Variants in XKR4 observed in about 807,000 individuals in gnomAD.
The protein encoded by XKR4 is XK related 4.
A neutral mutation model predicts 53.9 loss-of-function variants in XKR4; 12 were observed. The observed-to-expected ratio is 0.22, with a 90% CI of 0.14 to 0.36. The LOEUF (loss-of-function observed/expected upper bound fraction) is 0.36. Among genes scored for constraint, XKR4 ranks in the 10% least tolerant of loss-of-function variants. The probability of loss-of-function intolerance (pLI) is 1.00; values close to 1 mark genes in which losing one functional copy is unlikely to be tolerated. For synonymous variants in XKR4, 354 were observed against 362.4 expected, an observed-to-expected ratio of 0.98 and a Z score of 0.26; for missense variants, 799 against 859.5, an observed-to-expected ratio of 0.93 and a Z score of 0.88.
intron 1 of XKR4, among the ~76,000 whole-genome samples, chr8:55,333,205 T>TAA (rs149512658): frequency 0.02 from 3,010 of 152,260 alleles, 90 homozygotes; most frequent in African/African-American, 0.068. Context: ...AAGTCTTGTT[T>TAA]AGTAAGTCTG....
chr8:55,261,524 A>G (rs891919203), intron 1 of XKR4, among the ~76,000 whole-genome samples: 1 of 152,202 alleles, frequency 6.6e-6, no homozygotes, highest in Non-Finnish European at 1.5e-5. Flanking sequence ...TTTGCGCCCA[A>G]GCCAACCCAT....
chr8:55,467,279 T>G (rs1330824066), intron 2 of XKR4, among the ~76,000 whole-genome samples: 2 of 152,154 alleles, frequency 1.3e-5, no homozygotes, highest in African/African-American at 4.8e-5. Flanking sequence ...AGACTCTTTT[T>G]TAAAGAGCTC....
intron 2 of XKR4, among the ~76,000 whole-genome samples, chr8:55,374,179 G>A (rs56011405): frequency 0.011 from 1,623 of 152,300 alleles, 17 homozygotes; most frequent in Non-Finnish European, 0.015. Context: ...ATTATTTAGT[G>A]TATATTACAA....
At chr8:55,161,934 G>T (rs1816991870) in intron 1 of XKR4, among the ~76,000 whole-genome samples, 1 of 152,104 alleles carries the variant, frequency 6.6e-6, no homozygotes, top group Non-Finnish European at 1.5e-5. Flanking sequence ...ATCTCTGTTT[G>T]CTACCACCAC....
chr8:55,346,044 CGTT>C (rs1261616044), intron 1 of XKR4, among the ~76,000 whole-genome samples: 1 of 150,352 alleles, frequency 6.7e-6, no homozygotes, highest in Non-Finnish European at 1.5e-5. Context: ...AATGGAGAAT[CGTT>C]GTTTAGTGAG....
At chr8:55,173,132 G>GC (rs918931128) in intron 1 of XKR4, among the ~76,000 whole-genome samples, 50 of 152,076 alleles carry the variant, frequency 3.3e-4, no homozygotes, top group African/African-American at 1.2e-3. Flanking sequence ...GAGCTGTCCT[G>GC]CCCCCGATCT....
chr8:55,290,075 T>C (rs1235287851), intron 1 of XKR4, among the ~76,000 whole-genome samples: 1 of 152,122 alleles, frequency 6.6e-6, no homozygotes, highest in African/African-American at 2.4e-5. Context: ...TTAATTCATT[T>C]TCCTAGTGAC....
chr8:55,147,739 A>G (rs1205886692), intron 1 of XKR4, among the ~76,000 whole-genome samples: 1 of 152,238 alleles, frequency 6.6e-6, no homozygotes, highest in Non-Finnish European at 1.5e-5. Flanking sequence ...CCAATGATGC[A>G]CGAGAAGTAA....
intron 1 of XKR4, among the ~76,000 whole-genome samples, chr8:55,111,175 G>A (rs1397963649): frequency 6.6e-6 from 1 of 152,164 alleles, no homozygotes; most frequent in African/African-American, 2.4e-5. Flanking sequence ...ACTGCTCTGG[G>A]TCATGTGCCA....
At chr8:55,485,729 C>A (rs1320700213) in intron 2 of XKR4, among the ~76,000 whole-genome samples, 1 of 152,072 alleles carries the variant, frequency 6.6e-6, no homozygotes, top group Non-Finnish European at 1.5e-5. Context: ...GGTTATAGAG[C>A]TGGCTACTGT....
In XKR4 at chr8:55,331,867, T is replaced by G. The variant is rs558849229; in HGVS notation, c.807-25811T>G. ...ATGTGTCTTACAGACAGCATGTAAT[T>G]GGGTGCTGGTTTCTAAATCCATTCT... On this transcript the variant is annotated intron_variant, in intron 1 of 2. Coordinates refer to ENST00000327381, the MANE Select transcript of XKR4 (RefSeq NM_052898.2). Among the ~76,000 whole-genome samples the G allele has an allele frequency of 6.2e-4, 94 of 152,240 alleles. 1 individual carries two copies. Among genetic ancestry groups the G allele is most frequent in the Middle Eastern group, 3.4e-3 (1 of 294 alleles).
chr8:55,296,375 G>A (rs1378177008), intron 1 of XKR4, among the ~76,000 whole-genome samples: 2 of 152,092 alleles, frequency 1.3e-5, no homozygotes, highest in Non-Finnish European at 2.9e-5. Context: ...CTAAAATGTG[G>A]CATCCCACTA....
intron 2 of XKR4, among the ~76,000 whole-genome samples, chr8:55,385,493 CTTTA>C (rs1390339688): frequency 2.0e-5 from 3 of 152,208 alleles, no homozygotes; most frequent in South Asian, 2.1e-4. Flanking sequence ...AAGCATCATG[CTTTA>C]TTTATCTTCA....
chr8:55,379,706 C>G (rs1224927927), intron 2 of XKR4, among the ~76,000 whole-genome samples: 2 of 152,192 alleles, frequency 1.3e-5, no homozygotes, highest in Non-Finnish European at 2.9e-5. Context: ...AGGCTGGGGT[C>G]CAGCGGAATC....
chr8:55,199,757 G>A (rs1051847188), intron 1 of XKR4, among the ~76,000 whole-genome samples: 6 of 152,180 alleles, frequency 3.9e-5, no homozygotes, highest in Admixed American at 1.3e-4. Context: ...GTGTTGTACT[G>A]TAAGATAGCC....
intron 1 of XKR4, among the ~76,000 whole-genome samples, chr8:55,135,839 T>C (rs557235605): frequency 4.6e-5 from 7 of 152,166 alleles, no homozygotes; most frequent in South Asian, 2.1e-4. Flanking sequence ...GAAGAAAACA[T>C]TGGATATAAA....
rs953767205 is a variant in XKR4 at position 55,278,767 on chromosome 8, T to A, written c.807-78911T>A. 2.6e-5 allele frequency among the ~76,000 whole-genome samples: 4 copies of A among 152,186 alleles called. No homozygotes were observed. In the East Asian group the frequency reaches 5.8e-4, roughly 22 times the overall value. ...TCTAGAGGCAATAGCCAAAATCATA[T>A]GTAAAAATTGGCCTGCACTTCTTTC... On this transcript the variant is annotated intron_variant, in intron 1 of 2. Coordinates refer to ENST00000327381, the MANE Select transcript of XKR4 (RefSeq NM_052898.2).
intron 1 of XKR4, among the ~76,000 whole-genome samples, chr8:55,308,130 G>A (rs1467816576): frequency 1.3e-5 from 2 of 152,092 alleles, no homozygotes; most frequent in Non-Finnish European, 2.9e-5. Context: ...GCATGTGCCT[G>A]TAGTCCCAGT....
rs1310735485 is a variant in XKR4 at position 55,526,439 on chromosome 8, T to G, written c.*2212T>G. ...GATTTCCACTAAAAAATACTAATCT[T>G]TTGTTGGGATGTGGAAAGATTACCT... On this transcript the variant is annotated 3_prime_UTR_variant, in exon 3 of 3. Transcript: ENST00000327381. 1 of 152,212 alleles carries G rather than the reference T, an allele frequency of 6.6e-6. No individual in the cohort carries two copies. The highest frequency in any genetic ancestry group is 1.5e-5 in the Non-Finnish European group (1 of 68,036). The allele number at this position is 152,212 out of a possible 1,614,324, so 9.4% of individuals were successfully genotyped here.
Sources: allele counts gnomAD v4.1 joint callset (sites outside exome capture counted in the v4.1 genomes callset), GRCh38; gene constraint gnomAD v4.1.1; transcripts MANE v1.5; gene names NCBI Gene and HGNC (gene_info 2026-07-23, HGNC 2026-07-21).